TAF5: variants seen among roughly 807,000 people sequenced by gnomAD.
TAF5 encodes TATA-box binding protein associated factor 5.
TAF5 carries 20 observed loss-of-function variants against 80.9 expected under a neutral mutation model. The ratio of observed to expected loss-of-function variants is 0.25; its 90% CI spans 0.17 to 0.36. The LOEUF is 0.36. Among genes scored for constraint, TAF5 ranks in the 10% least tolerant of loss-of-function variants. The pLI, the probability that TAF5 is intolerant of heterozygous loss-of-function variation, is 1.00. For synonymous variants in TAF5, 388 were observed against 406.4 expected, an observed-to-expected ratio of 0.95 and a Z score of 0.55; for missense variants, 863 against 1,029.4, an observed-to-expected ratio of 0.84 and a Z score of 2.21.
At chr10:103,384,133 T>G (rs1337107765) in intron 7 of TAF5, among the ~76,000 whole-genome samples, 3 of 152,136 alleles carry the variant, frequency 2.0e-5, no homozygotes, top group Non-Finnish European at 4.4e-5. Context: ...AGCTAGTAAT[T>G]GAGGATTAAT....
intron 6 of TAF5, among the ~76,000 whole-genome samples, chr10:103,382,468 G>A (rs753629720): frequency 6.6e-5 from 10 of 151,624 alleles, no homozygotes; most frequent in Non-Finnish European, 1.5e-4. Context: ...CAAGTGATCC[G>A]CCTGTCTGGC....
rs928195150 is a variant in TAF5, at chr10:103,374,221, C to T, written c.797+626C>T. Among the ~76,000 whole-genome samples the T allele has an allele frequency of 6.6e-6, 1 of 151,998 alleles. No homozygotes were observed. Among genetic ancestry groups the T allele is most frequent in the African/African-American group, 2.4e-5 (1 of 41,354 alleles). ...AAAACTAGGAAGCAGTGTTAGGATT[C>T]GATTAGAATAAGAGTAACTGAGAAC... On this transcript the variant is annotated intron_variant, in intron 2 of 10. Transcript: ENST00000369839. This position sits in a 1 kb window ranked among gnomAD's most constrained non-coding sequence, Gnocchi z 4.3.
At position 103,374,293 on chromosome 10, in the gene TAF5, C is replaced by T. The variant is rs1397574659; in HGVS notation, c.797+698C>T. On this transcript the variant is annotated intron_variant, in intron 2 of 10. Transcript: ENST00000369839. This position sits in a 1 kb window ranked among gnomAD's most constrained non-coding sequence, Gnocchi z 4.3. The stretch of plus-strand genomic sequence containing the variant: ...ACAATAAAAGTTTGTTTATTTTTCT[C>T]GTAAATGTGGGACATTCGGGATTGG... Among the ~76,000 whole-genome samples the T allele has an allele frequency of 6.6e-6, 1 of 152,186 alleles. No individual in the cohort carries two copies. Among genetic ancestry groups the T allele is most frequent in the Non-Finnish European group, 1.5e-5 (1 of 68,036 alleles).
Position 103,368,289 on chromosome 10 carries a change from G to T in TAF5, c.300G>T (p.Val100=). 6.3e-7 allele frequency: 1 copy of T among 1,580,530 alleles called. No homozygotes were observed. ...APHDRQTLLA[V]LQFLRQSKLR... ...ATGACCGACAGACTCTACTGGCCGT[G>T]CTGCAGTTCCTACGGCAGAGCAAAC... The change falls in exon 1 of 11, where the codon GTG becomes GTT. Residue 100 remains valine (V), a synonymous_variant. Coordinates refer to ENST00000369839, the MANE Select transcript of TAF5 (RefSeq NM_006951.5).
Position 103,368,473 on chromosome 10 carries a change from G to T in TAF5, c.484G>T (p.Asp162Tyr). Reference sequence around the variant, plus strand: ...CTCGGCCCCTGGCCCTGCGGCCCCCGACCCTCCGGGCACTGGCGCTTCGGG... The same window carrying T: ...CTCGGCCCCTGGCCCTGCGGCCCCCTACCCTCCGGGCACTGGCGCTTCGGG... Reference protein sequence around the residue: ...TASAPGPAAPDPPGTGASGAT... With the variant: ...TASAPGPAAPYPPGTGASGAT... Residue 162 changes from aspartate to tyrosine, a missense_variant, in exon 1 of 11, where the codon GAC becomes TAC. By Grantham distance (160) the Asp-to-Tyr change is radical. Transcript: ENST00000369839. 2 of 1,562,724 alleles carry T rather than the reference G, an allele frequency of 1.3e-6. No homozygotes were observed. The highest frequency in any genetic ancestry group is 1.7e-6 in the Non-Finnish European group (2 of 1,161,306).
intron 7 of TAF5, 124 bp downstream of exon 7, chr10:103,383,491 G>C: frequency 3.2e-6 from 3 of 928,654 alleles, no homozygotes; most frequent in Non-Finnish European, 4.5e-6. Context: ...GTTGTCTGAC[G>C]TTCATCATCT....
chr10:103,374,796 G>C lies in TAF5; in HGVS notation c.797+1201G>C, dbSNP rs2093366930. Among the ~76,000 whole-genome samples, 1 of 152,196 alleles carries C rather than the reference G, an allele frequency of 6.6e-6. No homozygotes were observed. The highest frequency in any genetic ancestry group is 2.1e-4 in the South Asian group (1 of 4,832). On this transcript the variant is annotated intron_variant, in intron 2 of 10. Transcript: ENST00000369839. The surrounding 1 kb of genome is among the most constrained non-coding windows in gnomAD (Gnocchi z 4.3). ...AAGTTATTGCAGTGGTTCTCAACTG[G>C]AGGTGGAATTGCTCCTTCCACTAGA...
intron 1 of TAF5, among the ~76,000 whole-genome samples, chr10:103,370,910 C>T (rs182074327): frequency 6.6e-6 from 1 of 152,214 alleles, no homozygotes; most frequent in African/African-American, 2.4e-5. Context: ...GCATTGTATT[C>T]ATACCTCATT....
intron 4 of TAF5, 50 bp downstream of exon 4, chr10:103,379,821 TTA>T (rs2093378196): frequency 6.2e-7 from 1 of 1,601,906 alleles, no homozygotes; most frequent in Non-Finnish European, 8.5e-7. Flanking sequence ...AGACAACATG[TTA>T]TATAGAGTTC....
rs894471710 is a variant in TAF5 at position 103,387,184 on chromosome 10, T to C, written c.1839T>C (p.Ala613=). ...AATAACTTTATAAAAGGCTCTGGGC[T>C]ACAGACCACTATCAGCCTTTAAGAA... is the stretch of plus-strand genomic sequence containing the variant. ...GGHDRVARLW[A]TDHYQPLRIF... is the part of the protein sequence containing the mutation. Residue 613 remains alanine, a synonymous_variant, in exon 9 of 11, where the codon GCT becomes GCC. Transcript: ENST00000369839. 6.2e-7 allele frequency: 1 copy of C among 1,613,496 alleles called. No individual in the cohort carries two copies. Among genetic ancestry groups the C allele is most frequent in the African/African-American group, 1.3e-5 (1 of 75,014 alleles).
chr10:103,368,415 G>A lies in TAF5; in HGVS notation c.426G>A (p.Glu142=). ...GAGAGGTGGACAGCGCCGGCGCTGAGGTGACCAGCGCGCTTCTCAGCCGGG... is the reference window on the plus strand; with the variant it reads ...GAGAGGTGGACAGCGCCGGCGCTGAAGTGACCAGCGCGCTTCTCAGCCGGG... ...APGEVDSAGA[E]VTSALLSRVT... Residue 142 remains glutamate (E), a synonymous_variant, in exon 1 of 11, where the codon GAG becomes GAA. Coordinates refer to ENST00000369839, the MANE Select transcript of TAF5 (RefSeq NM_006951.5). The A allele has an allele frequency of 6.4e-7, 1 of 1,573,834 alleles. No homozygotes were observed. The highest frequency in any genetic ancestry group is 1.1e-5 in the South Asian group (1 of 88,004).
At position 103,388,739 on chromosome 10, in the gene TAF5, C is replaced by T. The variant is rs1177939130; in HGVS notation, c.*516C>T. 6.5e-6 allele frequency: 1 copy of T among 153,176 alleles called. No homozygotes were observed. Among genetic ancestry groups the T allele is most frequent in the Non-Finnish European group, 1.5e-5 (1 of 68,622 alleles). 9.5% of individuals were successfully genotyped at this position (153,176 alleles called of 1,614,324 possible). A position where few individuals can be genotyped will look rare whatever the true frequency, so the allele number is the denominator to read the frequency against. ...GAATGTATGTAACTAGGTAGGGTTCCTTTCTTAGATCTAGAGGAAGTACAG... is the reference window on the plus strand; with the variant it reads ...GAATGTATGTAACTAGGTAGGGTTCTTTTCTTAGATCTAGAGGAAGTACAG... On this transcript the variant is annotated 3_prime_UTR_variant, in exon 11 of 11. Transcript: ENST00000369839.
rs1464672176 is a variant in TAF5 at position 103,368,452 on chromosome 10, G to A, written c.463G>A (p.Ala155Thr). The A allele has an allele frequency of 1.3e-6, 2 of 1,582,748 alleles. No homozygotes were observed. Among genetic ancestry groups the A allele is most frequent in the East Asian group, 4.5e-5 (2 of 43,960 alleles). ...GCTTCTCAGCCGGGTGACCGCCTCG[G>A]CCCCTGGCCCTGCGGCCCCCGACCC... The part of the protein sequence containing the change: ...SALLSRVTAS[A>T]PGPAAPDPPG... Residue 155 changes from alanine to threonine, a missense_variant, in exon 1 of 11, where the codon GCC becomes ACC. Coordinates refer to ENST00000369839, the MANE Select transcript of TAF5 (RefSeq NM_006951.5).
intron 5 of TAF5, 142 bp from the exon 6 acceptor site, chr10:103,381,579 C>A (rs2133633350): frequency 1.0e-6 from 1 of 997,296 alleles, no homozygotes; most frequent in Non-Finnish European, 1.4e-6. Flanking sequence ...TATTTTAAAT[C>A]AAGAATTTTA....
At chr10:103,379,570 T>A (rs2093377429) in intron 3 of TAF5, 38 bp from the exon 4 acceptor site, 1 of 1,497,438 alleles carries the variant, frequency 6.7e-7, no homozygotes, top group South Asian at 1.3e-5. Flanking sequence ...TATTAATGAA[T>A]AAATAATTTT....
At chr10:103,385,996 C>T (rs2093395453) in intron 8 of TAF5, among the ~76,000 whole-genome samples, 1 of 146,070 alleles carries the variant, frequency 6.8e-6, no homozygotes, top group African/African-American at 2.5e-5. Flanking sequence ...GCAATTACAT[C>T]TATATGAATC....
intron 9 of TAF5, 36 bp from the exon 10 acceptor site, chr10:103,387,485 G>C: frequency 6.3e-7 from 1 of 1,581,744 alleles, no homozygotes; most frequent in Non-Finnish European, 8.6e-7. Flanking sequence ...TATTTTCCTA[G>C]ACATACTTTG....
chr10:103,378,603 A>T lies in TAF5; in HGVS notation c.1113+53A>T. ...AATGCAGATTATGAAAAATTGTAGCATTTCCATCTACATAAGTTACACATT... is the reference window on the plus strand; with the variant it reads ...AATGCAGATTATGAAAAATTGTAGCTTTTCCATCTACATAAGTTACACATT... On this transcript the variant is annotated intron_variant, in intron 3 of 10. Transcript: ENST00000369839. This position sits in a 1 kb window ranked among gnomAD's most constrained non-coding sequence, Gnocchi z 4.1. 6.6e-7 allele frequency: 1 copy of T among 1,507,988 alleles called. No homozygotes were observed. Among genetic ancestry groups the T allele is most frequent in the East Asian group, 2.3e-5 (1 of 43,586 alleles). 93.4% of individuals were successfully genotyped at this position (1,507,988 alleles called of 1,614,324 possible).
In TAF5 at chr10:103,380,000, C is replaced by T; in HGVS notation, c.1394C>T (p.Thr465Ile). ...TGCTTACCCTCCATTTGTTTCTATA[C>T]ATTTCTCAATGCTTACCAGGTTGGT... The part of the protein sequence containing the change: ...PDCLPSICFY[T>I]FLNAYQGLTA... The change falls in exon 5 of 11, where the codon ACA (threonine) becomes ATA (isoleucine). Residue 465 changes from threonine (T) to isoleucine (I), a missense_variant. By Grantham distance (89) the Thr-to-Ile change is moderately conservative. This residue lies in a region of TAF5 where 368 missense variants were observed against 461.7 expected (regional missense o/e 0.80). Coordinates refer to ENST00000369839, the MANE Select transcript of TAF5 (RefSeq NM_006951.5). The T allele has an allele frequency of 1.9e-6, 3 of 1,613,388 alleles. No homozygotes were observed. Among genetic ancestry groups the T allele is most frequent in the Non-Finnish European group, 2.5e-6 (3 of 1,179,834 alleles).
Sources: gnomAD v4.1 joint callset for allele counts (sites outside exome capture counted in the v4.1 genomes callset) on GRCh38, gnomAD v4.1.1 for gene constraint, gnomAD v4.1.1 regional missense constraint, Gnocchi (gnomAD v3.1) non-coding constraint, MANE v1.5 for transcripts, NCBI Gene and HGNC (gene_info 2026-07-23, HGNC 2026-07-21) for gene names.